Variants in FOXN3 observed in about 807,000 individuals in gnomAD.
FOXN3 encodes the protein forkhead box N3.
FOXN3 carries 7 observed loss-of-function variants against 38.4 expected under a neutral mutation model. The observed-to-expected ratio is 0.18, with a 90% CI of 0.10 to 0.34. The LOEUF is 0.34. Among genes scored for constraint, FOXN3 ranks in the 10% least tolerant of loss-of-function variants. FOXN3 has a pLI of 1.00. For missense variants in FOXN3, 456 were observed against 613.4 expected (o/e 0.74, Z 2.71); for synonymous variants, 230 against 242.2 (o/e 0.95, Z 0.47).
chr14:89,436,751 C>T (rs994389898), intron 1 of FOXN3, among the ~76,000 whole-genome samples: 1 of 152,128 alleles, frequency 6.6e-6, no homozygotes, highest in African/African-American at 2.4e-5. Context: ...TAACATTAAA[C>T]AACAAAGAAA....
At chr14:89,337,755 G>A (rs1348089062) in intron 3 of FOXN3, among the ~76,000 whole-genome samples, 2 of 151,300 alleles carry the variant, frequency 1.3e-5, no homozygotes, top group African/African-American at 4.9e-5. Context: ...TCAGCCTCCT[G>A]AGTAGCTGGA....
chr14:89,173,608 A>G (rs1887445991), intron 5 of FOXN3, among the ~76,000 whole-genome samples: 1 of 152,208 alleles, frequency 6.6e-6, no homozygotes, highest in East Asian at 1.9e-4. Context: ...AAATGACTCA[A>G]TTACAGCTAG....
rs1893428745 is a variant in FOXN3, at chr14:89,485,530, G to GGTGTGTGAGAGTAGAGTAAATAATCA, written c.-14-73066_-14-73041dup. ...ACAGAGCTCAGAGGGGAGGATGGCA[G>GGTGTGTGAGAGTAGAGTAAATAATCA]GTGTGTGAGAGTAGAGTAAATAATC... On this transcript the variant is annotated intron_variant, in intron 1 of 6. Coordinates refer to the FOXN3 transcript ENST00000345097. Among the ~76,000 whole-genome samples the GGTGTGTGAGAGTAGAGTAAATAATCA allele has an allele frequency of 6.6e-5, 10 of 152,288 alleles. No individual in the cohort carries two copies. The South Asian group carries it at 2.1e-3, about 32-fold the overall frequency.
intron 1 of FOXN3, among the ~76,000 whole-genome samples, chr14:89,454,946 G>A (rs1018659320): frequency 6.6e-6 from 1 of 152,212 alleles, no homozygotes; most frequent in Non-Finnish European, 1.5e-5. Context: ...AATAGTGGCT[G>A]TTGGCTGTGT....
intron 4 of FOXN3, among the ~76,000 whole-genome samples, chr14:89,188,086 C>T (rs1887855140): frequency 6.6e-6 from 1 of 152,144 alleles, no homozygotes; most frequent in South Asian, 2.1e-4. Flanking sequence ...CTGGGGCTTT[C>T]ATGAAGGCTG....
rs534287618 is a variant in FOXN3 at position 89,473,136 on chromosome 14, T to TG, written c.-14-60647dup. Among the ~76,000 whole-genome samples the TG allele has an allele frequency of 2.0e-3, 309 of 152,092 alleles. 1 individual carries two copies. The highest frequency in any genetic ancestry group is 4.1e-3 in the Non-Finnish European group (278 of 67,982). On this transcript the variant is annotated intron_variant, in intron 1 of 6. Coordinates refer to the FOXN3 transcript ENST00000345097. ...ATCTCCCGAGTTCACGCCATTCTCC[T>TG]GCCTCAGCCTCCCAAGTAGCTGGGA...
intron 4 of FOXN3, among the ~76,000 whole-genome samples, chr14:89,234,699 A>C (rs1596121304): frequency 7.7e-6 from 1 of 130,642 alleles, no homozygotes; most frequent in Non-Finnish European, 1.6e-5. Flanking sequence ...CTCCTGCTTC[A>C]CCTTCCACCA....
At chr14:89,371,770 C>A (rs1890324856) in intron 2 of FOXN3, among the ~76,000 whole-genome samples, 1 of 152,072 alleles carries the variant, frequency 6.6e-6, no homozygotes, top group African/African-American at 2.4e-5. Flanking sequence ...AGAAAGTTAA[C>A]CCCCTGACTC....
intron 4 of FOXN3, among the ~76,000 whole-genome samples, chr14:89,239,631 A>G (rs1885086121): frequency 6.6e-6 from 1 of 152,242 alleles, no homozygotes. Context: ...CTGAAGTCAA[A>G]GTCCAATATA....
chr14:89,228,588 G>T (rs1170440285), intron 4 of FOXN3, among the ~76,000 whole-genome samples: 13 of 152,162 alleles, frequency 8.5e-5, no homozygotes, highest in Non-Finnish European at 7.3e-5. Context: ...GGTTTGAAGA[G>T]AAGGCAATTT....
intron 4 of FOXN3, among the ~76,000 whole-genome samples, chr14:89,260,184 C>A (rs766657860): frequency 7.2e-5 from 11 of 152,250 alleles, no homozygotes; most frequent in Non-Finnish European, 1.5e-4. Flanking sequence ...CCTGCACAGT[C>A]GGTGCTTACG....
At chr14:89,445,630 C>T (rs928606989) in intron 1 of FOXN3, among the ~76,000 whole-genome samples, 10 of 152,154 alleles carry the variant, frequency 6.6e-5, no homozygotes, top group Non-Finnish European at 1.5e-4. Flanking sequence ...GGGAAAACTC[C>T]AGGCCTTTTC....
At chr14:89,513,162 A>AG (rs1280935212) in intron 1 of FOXN3, among the ~76,000 whole-genome samples, 1 of 150,888 alleles carries the variant, frequency 6.6e-6, no homozygotes, top group Non-Finnish European at 1.5e-5. Context: ...AAAAAAAAAA[A>AG]AAAAAAAGAA....
intron 3 of FOXN3, among the ~76,000 whole-genome samples, chr14:89,303,502 A>C (rs1011052152): frequency 9.3e-5 from 11 of 117,910 alleles, no homozygotes; most frequent in Admixed American, 3.4e-4. Flanking sequence ...CTGCTAAAAA[A>C]AAAAAACAAA....
chr14:89,410,193 T>G (rs528879489), intron 2 of FOXN3, among the ~76,000 whole-genome samples: 1 of 152,018 alleles, frequency 6.6e-6, no homozygotes, highest in East Asian at 1.9e-4. Flanking sequence ...GTTGGCCACT[T>G]CCTGATTCAT....
chr14:89,366,232 G>A (rs1274651041), intron 2 of FOXN3, among the ~76,000 whole-genome samples: 5 of 149,062 alleles, frequency 3.4e-5, no homozygotes, highest in South Asian at 2.1e-4. Flanking sequence ...CAGCCTGGGC[G>A]ACAGAGCGAG....
At chr14:89,280,911 G>T in intron 4 of FOXN3, 39 bp downstream of exon 4, 1 of 1,560,546 alleles carries the variant, frequency 6.4e-7, no homozygotes, top group Non-Finnish European at 8.8e-7. Context: ...GCGGGTGGGT[G>T]AGGGGGAGGG....
intron 1 of FOXN3, among the ~76,000 whole-genome samples, chr14:89,537,494 C>T (rs1337180843): frequency 6.6e-6 from 1 of 151,286 alleles, no homozygotes; most frequent in Non-Finnish European, 1.5e-5. Flanking sequence ...GATGGACTAT[C>T]CAATCTAGTG....
chr14:89,364,388 T>C (rs1443882917), intron 2 of FOXN3: 1 of 148,078 alleles, frequency 6.8e-6, no homozygotes, highest in East Asian at 2.0e-4. Flanking sequence ...TTTTGTTTTT[T>C]TTCAGAAGGA....
Sources: allele counts gnomAD v4.1 joint callset (sites outside exome capture counted in the v4.1 genomes callset), GRCh38; gene constraint gnomAD v4.1.1; transcripts MANE v1.5; gene names NCBI Gene and HGNC (gene_info 2026-07-23, HGNC 2026-07-21).